The following RNGTT variants were observed in gnomAD, a reference collection of about 807,000 sequenced individuals.
RNGTT encodes the protein RNA guanylyltransferase and 5'-phosphatase.
Under a neutral mutation model 79.3 loss-of-function variants are expected in RNGTT, and 33 were observed. The observed-to-expected ratio is 0.42, with a 90% CI of 0.32 to 0.56. The LOEUF (loss-of-function observed/expected upper bound fraction) is 0.56, where lower values mean the gene tolerates loss of function less well. Among genes scored for constraint, RNGTT ranks in the 20% least tolerant of loss-of-function variants. RNGTT has a pLI of 0.17. For synonymous variants in RNGTT, 222 were observed against 235.9 expected (o/e 0.94, Z 0.54); for missense variants, 497 against 739.1 (o/e 0.67, Z 3.80).
chr6:88,670,816 A>G (rs1774609767), intron 14 of RNGTT, among the ~76,000 whole-genome samples: 1 of 152,132 alleles, frequency 6.6e-6, no homozygotes, highest in South Asian at 2.1e-4. Flanking sequence ...GTAAGCTCTT[A>G]AAAGGGACAG....
intron 12 of RNGTT, among the ~76,000 whole-genome samples, chr6:88,778,127 C>G (rs757305531): frequency 2.0e-5 from 3 of 151,716 alleles, no homozygotes; most frequent in Non-Finnish European, 2.9e-5. Context: ...ACCTTGTAAC[C>G]CAGGGATAAA....
At chr6:88,880,909 T>TA (rs1490468557) in intron 8 of RNGTT, among the ~76,000 whole-genome samples, 3 of 152,170 alleles carry the variant, frequency 2.0e-5, no homozygotes, top group Admixed American at 2.0e-4. Flanking sequence ...AATCCTATTA[T>TA]AAAATTCTAT....
chr6:88,799,204 C>T lies in RNGTT; in HGVS notation c.1338+2360G>A, dbSNP rs575591385. Among the ~76,000 whole-genome samples, 21 of 151,704 alleles carry T rather than the reference C, an allele frequency of 1.4e-4. 1 individual carries two copies. Among genetic ancestry groups the T allele is most frequent in the African/African-American group, 5.1e-4 (21 of 41,450 alleles). On this transcript the variant is annotated intron_variant, in intron 12 of 15. Coordinates refer to ENST00000369485, the MANE Select transcript of RNGTT (RefSeq NM_003800.5). ...TCATTGAGAAAGTGATTTAACATTG[C>T]AAACACATCAATTTTCTCCACGTTA...
At chr6:88,932,788 T>A (rs1442731252) in intron 2 of RNGTT, among the ~76,000 whole-genome samples, 1 of 152,076 alleles carries the variant, frequency 6.6e-6, no homozygotes, top group Non-Finnish European at 1.5e-5. Context: ...CTTTAAAACC[T>A]AGAATCACAA....
chr6:88,886,568 T>C (rs1395196446), intron 8 of RNGTT, among the ~76,000 whole-genome samples: 1 of 152,226 alleles, frequency 6.6e-6, no homozygotes, highest in Non-Finnish European at 1.5e-5. Flanking sequence ...TTACTAAGTC[T>C]GACATAATTC....
At chr6:88,676,849 C>A (rs949134372) in intron 14 of RNGTT, among the ~76,000 whole-genome samples, 1 of 152,250 alleles carries the variant, frequency 6.6e-6, no homozygotes, top group Admixed American at 6.5e-5. Context: ...TCAGTCATTA[C>A]GGAAATGTAA....
chr6:88,941,550 G>T (rs1394078102), intron 1 of RNGTT, among the ~76,000 whole-genome samples: 2 of 151,934 alleles, frequency 1.3e-5, no homozygotes, highest in Non-Finnish European at 2.9e-5. Flanking sequence ...TTACAGGCGT[G>T]AGCCACCGCA....
Position 88,712,168 on chromosome 6 carries a change from C to T in RNGTT, c.1440-33749G>A, listed in dbSNP as rs556045865. Among the ~76,000 whole-genome samples the T allele has an allele frequency of 5.9e-5, 9 of 152,248 alleles. No individual in the cohort carries two copies. The East Asian group carries it at 1.5e-3, about 26-fold the overall frequency. On this transcript the variant is annotated intron_variant, in intron 13 of 15. Transcript: ENST00000369485. ...ACTTGAGAATAGGCAAAGTGTAAAA[C>T]ACTTCATTACACACTGTGAGGATCA...
Position 88,877,106 on chromosome 6 carries a change from C to T in RNGTT, c.896+13389G>A, listed in dbSNP as rs150099116. Among the ~76,000 whole-genome samples, 754 of 152,250 alleles carry T rather than the reference C, an allele frequency of 5.0e-3. 5 individuals are homozygous for T. Among genetic ancestry groups the T allele is most frequent in the African/African-American group, 0.017 (698 of 41,538 alleles). ...GGTTTTAAAATGTTAGATTGTTTTG[C>T]CTTTGCTTAATTTTCTTCTTGTGCA... On this transcript the variant is annotated intron_variant, in intron 8 of 15. Coordinates refer to ENST00000369485, the MANE Select transcript of RNGTT (RefSeq NM_003800.5).
chr6:88,767,678 C>CAAAA (rs58712575), intron 13 of RNGTT, among the ~76,000 whole-genome samples: 1 of 83,484 alleles, frequency 1.2e-5, no homozygotes, highest in African/African-American at 4.0e-5. Flanking sequence ...TCACTTGTGT[C>CAAAA]AAAAAAAAAA....
At chr6:88,818,879 G>A (rs1192048077) in intron 11 of RNGTT, among the ~76,000 whole-genome samples, 1 of 152,038 alleles carries the variant, frequency 6.6e-6, no homozygotes, top group African/African-American at 2.4e-5. Flanking sequence ...TATTTAGTTA[G>A]CCAAAACCAT....
At chr6:88,724,269 C>A (rs1425932147) in intron 13 of RNGTT, among the ~76,000 whole-genome samples, 3 of 152,266 alleles carry the variant, frequency 2.0e-5, no homozygotes, top group Non-Finnish European at 4.4e-5. Flanking sequence ...AACTTCCAGT[C>A]CTGCAAGTTC....
chr6:88,886,563 A>G (rs1279886777), intron 8 of RNGTT, among the ~76,000 whole-genome samples: 1 of 152,250 alleles, frequency 6.6e-6, no homozygotes, highest in Non-Finnish European at 1.5e-5. Flanking sequence ...AAGACTTACT[A>G]AGTCTGACAT....
chr6:88,805,779 G>A (rs1478302201), intron 11 of RNGTT, among the ~76,000 whole-genome samples: 1 of 152,142 alleles, frequency 6.6e-6, no homozygotes, highest in East Asian at 1.9e-4. Context: ...GTTTACATAT[G>A]GGGAAAAGTA....
chr6:88,665,764 T>C (rs1774379877), intron 14 of RNGTT, among the ~76,000 whole-genome samples: 1 of 152,120 alleles, frequency 6.6e-6, no homozygotes, highest in Non-Finnish European at 1.5e-5. Context: ...CCTCCAAAAG[T>C]TTCCTGCCAG....
intron 1 of RNGTT, among the ~76,000 whole-genome samples, chr6:88,949,589 T>C (rs574409205): frequency 6.6e-6 from 1 of 152,260 alleles, no homozygotes; most frequent in Non-Finnish European, 1.5e-5. Context: ...ATTGTTGATA[T>C]GGAGAAAATT....
intron 1 of RNGTT, among the ~76,000 whole-genome samples, chr6:88,945,117 T>C (rs996716520): frequency 3.9e-5 from 6 of 152,210 alleles, no homozygotes; most frequent in Admixed American, 2.0e-4. Flanking sequence ...AGCTGGCCAT[T>C]CTCAAGTCAC....
At position 88,769,612 on chromosome 6, in the gene RNGTT, C is replaced by T. The variant is rs577586180; in HGVS notation, c.1439+162G>A. Among the ~76,000 whole-genome samples, 25 of 151,984 alleles carry T rather than the reference C, an allele frequency of 1.6e-4. No homozygotes were observed. In the South Asian group the frequency reaches 3.1e-3, roughly 19 times the overall value. On this transcript the variant is annotated intron_variant, in intron 13 of 15. Coordinates refer to ENST00000369485, the MANE Select transcript of RNGTT (RefSeq NM_003800.5). ...AGGTCAAAGGAGTAATCTCTGAAAA[C>T]GAAATTGTTGTATAAGTATATATGT... is the stretch of plus-strand genomic sequence containing the variant.
chr6:88,729,489 C>T (rs973934870), intron 13 of RNGTT, among the ~76,000 whole-genome samples: 1 of 151,358 alleles, frequency 6.6e-6, no homozygotes, highest in Non-Finnish European at 1.5e-5. Context: ...AAGGGGAGTA[C>T]CAGATCAATT....
Sources: gnomAD v4.1 joint callset for allele counts (sites outside exome capture counted in the v4.1 genomes callset) on GRCh38, gnomAD v4.1.1 for gene constraint, MANE v1.5 for transcripts, NCBI Gene and HGNC (gene_info 2026-07-23, HGNC 2026-07-21) for gene names.